CDC14A: variants seen among roughly 807,000 people sequenced by gnomAD.
CDC14A encodes dual specificity protein phosphatase CDC14A.
In CDC14A, 53 loss-of-function variants were observed where a neutral mutation model predicts 74.4. The ratio of observed to expected loss-of-function variants is 0.71; its 90% CI spans 0.57 to 0.89. The LOEUF (loss-of-function observed/expected upper bound fraction) is 0.89, where lower values mean the gene tolerates loss of function less well. Among genes scored for constraint, CDC14A ranks in the 40% least tolerant of loss-of-function variants. The pLI, the probability that CDC14A is intolerant of heterozygous loss-of-function variation, is 0.00. For missense variants in CDC14A, 646 were observed against 713.7 expected (o/e 0.91, Z 1.08); for synonymous variants, 247 against 258.4 (o/e 0.96, Z 0.43).
chr1:100,393,230 A>G (rs1387011525), intron 4 of CDC14A: 5 of 1,576,748 alleles, frequency 3.2e-6, no homozygotes, highest in East Asian at 4.5e-5. Flanking sequence ...AATCTTGAAT[A>G]TGTTTTCTTA....
chr1:100,443,860 T>A (rs1665235644), intron 7 of CDC14A, among the ~76,000 whole-genome samples: 1 of 152,110 alleles, frequency 6.6e-6, no homozygotes, highest in Non-Finnish European at 1.5e-5. Flanking sequence ...GTCATTAACT[T>A]TTTCTGAAAG....
intron 2 of CDC14A, among the ~76,000 whole-genome samples, chr1:100,373,702 C>T (rs1654799942): frequency 1.3e-5 from 2 of 152,192 alleles, no homozygotes; most frequent in African/African-American, 2.4e-5. Context: ...ATTTTGGATT[C>T]GTGGGTATTT....
chr1:100,439,818 T>G, intron 5 of CDC14A, 114 bp from the exon 6 acceptor site: 2 of 700,108 alleles, frequency 2.9e-6, no homozygotes, highest in African/African-American at 1.8e-5. Context: ...AAGTTTACCA[T>G]GTTGATAGCT....
At chr1:100,513,575 G>A (rs1055969947) in intron 15 of CDC14A, among the ~76,000 whole-genome samples, 4 of 152,094 alleles carry the variant, frequency 2.6e-5, no homozygotes, top group African/African-American at 9.7e-5. Flanking sequence ...ACATTCATTT[G>A]CTGTCAAGGA....
intron 15 of CDC14A, among the ~76,000 whole-genome samples, chr1:100,502,481 G>T (rs146270557): frequency 6.6e-6 from 1 of 152,280 alleles, no homozygotes; most frequent in African/African-American, 2.4e-5. Context: ...TGTGTAGCAG[G>T]CTCTACCATC....
intron 5 of CDC14A, among the ~76,000 whole-genome samples, chr1:100,436,061 A>G (rs1206682311): frequency 6.6e-6 from 1 of 152,122 alleles, no homozygotes; most frequent in African/African-American, 2.4e-5. Flanking sequence ...ACCTCAGAGT[A>G]GGAGGGGACT....
chr1:100,351,764 AC>A (rs1557670111), upstream of CDC14A: 1 of 1,550,596 alleles, frequency 6.4e-7, no homozygotes, highest in Non-Finnish European at 8.7e-7. Context: ...CAGATGGGAA[AC>A]TTTTTGTCCC....
At chr1:100,445,790 G>T (rs75112489) in intron 7 of CDC14A, among the ~76,000 whole-genome samples, 52 of 152,308 alleles carry the variant, frequency 3.4e-4, no homozygotes, top group African/African-American at 1.2e-3. Flanking sequence ...TAGGTGATGG[G>T]AGGGGAGCAG....
At chr1:100,375,696 G>T (rs1040577021) in intron 2 of CDC14A, among the ~76,000 whole-genome samples, 3 of 152,292 alleles carry the variant, frequency 2.0e-5, no homozygotes, top group East Asian at 3.9e-4. Flanking sequence ...TTACACTGTT[G>T]GTAGGACTGT....
At chr1:100,378,110 A>G (rs1482900206) in intron 3 of CDC14A, among the ~76,000 whole-genome samples, 11 of 152,202 alleles carry the variant, frequency 7.2e-5, no homozygotes, top group Non-Finnish European at 1.3e-4. Context: ...ACCAGCAGCA[A>G]CAGAGAATGG....
chr1:100,407,539 G>A (rs1660114351), intron 4 of CDC14A, among the ~76,000 whole-genome samples: 1 of 152,086 alleles, frequency 6.6e-6, no homozygotes, highest in South Asian at 2.1e-4. Flanking sequence ...AGTGATTTTT[G>A]CACATTGATT....
At chr1:100,474,108 C>T (rs539749058) in intron 10 of CDC14A, among the ~76,000 whole-genome samples, 1 of 152,296 alleles carries the variant, frequency 6.6e-6, no homozygotes, top group African/African-American at 2.4e-5. Flanking sequence ...GATATGATCA[C>T]ATGATTTTCT....
chr1:100,376,806 T>C (rs1487450862), intron 2 of CDC14A, among the ~76,000 whole-genome samples: 3 of 152,180 alleles, frequency 2.0e-5, no homozygotes, highest in Non-Finnish European at 2.9e-5. Context: ...CCACTGGATT[T>C]AAGATACTTG....
chr1:100,489,948 G>A (rs1670452224), intron 11 of CDC14A, among the ~76,000 whole-genome samples: 1 of 152,182 alleles, frequency 6.6e-6, no homozygotes, highest in African/African-American at 2.4e-5. Flanking sequence ...CAGAATGGAG[G>A]CCCAGGTTGG....
At chr1:100,405,843 C>T (rs969939479) in intron 4 of CDC14A, among the ~76,000 whole-genome samples, 7 of 152,150 alleles carry the variant, frequency 4.6e-5, no homozygotes, top group Non-Finnish European at 8.8e-5. Flanking sequence ...TGAACATACA[C>T]GTGCATGCAT....
At chr1:100,352,001 TGTGC>T (rs776970250), upstream of CDC14A, among the ~76,000 whole-genome samples, 3 of 133,914 alleles carry the variant, frequency 2.2e-5, no homozygotes, top group South Asian at 2.2e-4. Context: ...TGTGTGTGTG[TGTGC>T]GCGCGCGCGC....
intron 11 of CDC14A, among the ~76,000 whole-genome samples, chr1:100,489,233 A>T (rs1466681101): frequency 6.6e-6 from 1 of 152,182 alleles, no homozygotes; most frequent in East Asian, 1.9e-4. Context: ...TTCCTAGCCA[A>T]TTTATTAAAA....
chr1:100,505,484 G>A (rs1020438996), intron 15 of CDC14A, among the ~76,000 whole-genome samples: 3 of 152,178 alleles, frequency 2.0e-5, no homozygotes, highest in African/African-American at 7.2e-5. Context: ...TTAGAATCTA[G>A]CTTTATAAAA....
At chr1:100,428,833 G>A (rs1663262394) in intron 5 of CDC14A, among the ~76,000 whole-genome samples, 1 of 152,018 alleles carries the variant, frequency 6.6e-6, no homozygotes, top group African/African-American at 2.4e-5. Flanking sequence ...TTATTTCTTT[G>A]TTTATTGGTC....
Sources: allele counts gnomAD v4.1 joint callset (sites outside exome capture counted in the v4.1 genomes callset), GRCh38; gene constraint gnomAD v4.1.1; transcripts MANE v1.5; gene names NCBI Gene and HGNC (gene_info 2026-07-23, HGNC 2026-07-21).